The following RTF2 variants were observed in gnomAD, a reference collection of about 807,000 sequenced individuals.
The protein encoded by RTF2 is replication termination factor 2.
Under a neutral mutation model 38.0 loss-of-function variants are expected in RTF2, and 18 were observed. That is an observed-to-expected ratio of 0.47 (90% CI 0.33 to 0.70). The LOEUF (loss-of-function observed/expected upper bound fraction) is 0.70. Among genes scored for constraint, RTF2 ranks in the 30% least tolerant of loss-of-function variants. The pLI is 0.02. For missense variants in RTF2, 311 were observed against 379.6 expected (o/e 0.82, Z 1.50); for synonymous variants, 126 against 137.1 (o/e 0.92, Z 0.57).
chr20:56,474,658 T>G lies in RTF2; in HGVS notation c.165-20T>G, dbSNP rs750596311. 35 of 1,522,738 alleles carry G rather than the reference T, an allele frequency of 2.3e-5. No homozygotes were observed. Among genetic ancestry groups the G allele is most frequent in the Non-Finnish European group, 3.1e-5 (34 of 1,112,580 alleles). 94.3% of individuals were successfully genotyped at this position (1,522,738 alleles called of 1,614,324 possible). On this transcript the variant is annotated intron_variant, in intron 2 of 8. Coordinates refer to ENST00000357348, the MANE Select transcript of RTF2 (RefSeq NM_016407.5). ...TGAAAGTCGCTTGTTGACATAATAT[T>G]CTAATACTTACTATTGCAGACTTTA...
chr20:56,511,240 G>T (rs1200798431), intron 5 of RTF2, among the ~76,000 whole-genome samples: 1 of 152,148 alleles, frequency 6.6e-6, no homozygotes, highest in African/African-American at 2.4e-5. Flanking sequence ...GGGCCACACA[G>T]CAGGAGGTGA....
chr20:56,516,753 C>T, intron 6 of RTF2, 182 bp from the exon 7 acceptor site: 1 of 647,328 alleles, frequency 1.5e-6, no homozygotes, highest in Non-Finnish European at 2.8e-6. Context: ...ACTGGTGTCA[C>T]ATGCAGAGGG....
intron 5 of RTF2, among the ~76,000 whole-genome samples, chr20:56,504,729 C>G (rs1984151838): frequency 6.6e-6 from 1 of 152,234 alleles, no homozygotes; most frequent in African/African-American, 2.4e-5. Flanking sequence ...CTGGTACTCT[C>G]TGCAGGCTTG....
intron 8 of RTF2, 52 bp downstream of exon 8, chr20:56,517,253 G>A (rs1600840613): frequency 1.4e-6 from 2 of 1,468,148 alleles, no homozygotes; most frequent in Non-Finnish European, 1.9e-6. Context: ...TGGAAACCCA[G>A]GTGGCCGAGT....
chr20:56,485,236 C>T (rs547144141), intron 5 of RTF2, among the ~76,000 whole-genome samples: 2 of 152,184 alleles, frequency 1.3e-5, no homozygotes, highest in Admixed American at 6.5e-5. Flanking sequence ...CCGAAGGGCA[C>T]GAGGGAGCCA....
chr20:56,470,578 G>C, intron 1 of RTF2: 1 of 455,960 alleles, frequency 2.2e-6, no homozygotes, highest in South Asian at 1.5e-5. Context: ...TGGGTGACGG[G>C]ATCATCTTTT....
intron 2 of RTF2, 85 bp from the exon 3 acceptor site, chr20:56,474,593 T>G (rs910071494): frequency 5.0e-6 from 4 of 799,456 alleles, no homozygotes; most frequent in Non-Finnish European, 5.8e-6. Context: ...GTAAACGACT[T>G]TTGGATTGTG....
At chr20:56,511,947 C>G (rs960992445) in intron 5 of RTF2, among the ~76,000 whole-genome samples, 2 of 152,154 alleles carry the variant, frequency 1.3e-5, no homozygotes, top group Non-Finnish European at 2.9e-5. Flanking sequence ...ATTCTCTCAC[C>G]TCAGCCTCCC....
At chr20:56,515,613 C>G (rs902803945) in intron 6 of RTF2, 1 of 77,584 alleles carries the variant, frequency 1.3e-5, no homozygotes. Flanking sequence ...CACACACACA[C>G]ACACACACAC....
At chr20:56,508,013 GT>G (rs1386888336) in intron 5 of RTF2, among the ~76,000 whole-genome samples, 1 of 152,148 alleles carries the variant, frequency 6.6e-6, no homozygotes, top group Non-Finnish European at 1.5e-5. Flanking sequence ...TTCTTCAAGG[GT>G]TGTACCAGTT....
At chr20:56,496,936 A>G (rs547134093) in intron 5 of RTF2, 2 of 1,551,394 alleles carry the variant, frequency 1.3e-6, no homozygotes, top group African/African-American at 1.4e-5. Flanking sequence ...TTATCACTCC[A>G]TTTGCTTCTG....
At position 56,516,883 on chromosome 20, in the gene RTF2, T is replaced by G. The variant is rs998972227; in HGVS notation, c.592-52T>G. The G allele has an allele frequency of 5.1e-6, 8 of 1,562,782 alleles. No homozygotes were observed. The Admixed American group carries it at 1.2e-4, about 23-fold the overall frequency. ...GGACAATGGGCAGCCACACTGACGCTGAAGTGGAGTGAATCTGAGCACAGC... is the reference window on the plus strand; with the variant it reads ...GGACAATGGGCAGCCACACTGACGCGGAAGTGGAGTGAATCTGAGCACAGC... On this transcript the variant is annotated intron_variant, in intron 6 of 8. Transcript: ENST00000357348.
At chr20:56,513,100 G>A (rs924953968) in intron 5 of RTF2, among the ~76,000 whole-genome samples, 4 of 152,202 alleles carry the variant, frequency 2.6e-5, no homozygotes, top group African/African-American at 9.7e-5. Flanking sequence ...CACCATCCAG[G>A]CACCAGCCTT....
At chr20:56,505,547 G>A (rs139285618) in intron 5 of RTF2, among the ~76,000 whole-genome samples, 381 of 151,144 alleles carry the variant, frequency 2.5e-3, no homozygotes, top group African/African-American at 5.7e-3. Context: ...TGGACTAGAC[G>A]GCAGATCTGC....
In RTF2 at chr20:56,468,674, G is replaced by A; in HGVS notation, c.-24G>A. ...GAAGTGACAGCTTTGGGGGTTTGCT[G>A]CTGGCTCTGACTCCCGTCCTGCGAT... On this transcript the variant is annotated 5_prime_UTR_variant, in exon 1 of 9. Coordinates refer to ENST00000357348, the MANE Select transcript of RTF2 (RefSeq NM_016407.5). 1 of 1,560,242 alleles carries A rather than the reference G, an allele frequency of 6.4e-7. No individual in the cohort carries two copies. The highest frequency in any genetic ancestry group is 8.7e-7 in the Non-Finnish European group (1 of 1,151,802).
Position 56,516,977 on chromosome 20 carries a change from G to C in RTF2, c.634G>C (p.Asp212His). The C allele has an allele frequency of 6.2e-7, 1 of 1,614,062 alleles. No homozygotes were observed. Among genetic ancestry groups the C allele is most frequent in the Non-Finnish European group, 8.5e-7 (1 of 1,179,910 alleles). ...GGCAGCAGAGTCTGTTTCAAAACCA[G>C]ATGTCAGTGAAGGTAAGATCCTTCA... ...PKAAESVSKP[D>H]VSEEAPGPSK... Residue 212 changes from aspartate (D) to histidine (H), a missense_variant, in exon 7 of 9, where the codon GAT (aspartate) becomes CAT (histidine). Transcript: ENST00000357348.
At chr20:56,469,122 A>G (rs1981831229) in intron 1 of RTF2, among the ~76,000 whole-genome samples, 1 of 152,244 alleles carries the variant, frequency 6.6e-6, no homozygotes, top group Non-Finnish European at 1.5e-5. Context: ...ACCTGCGACT[A>G]GTAGCAATAA....
At position 56,518,271 on chromosome 20, in the gene RTF2, G is replaced by A. The variant is rs369697377; in HGVS notation, c.*6G>A. 1.0e-4 allele frequency: 165 copies of A among 1,607,538 alleles called. No individual in the cohort carries two copies. Among genetic ancestry groups the A allele is most frequent in the South Asian group, 6.2e-4 (56 of 90,100 alleles). On this transcript the variant is annotated 3_prime_UTR_variant, in exon 9 of 9. Transcript: ENST00000357348. ...ACACGTCCTACTGCTTCTGAAGCCC[G>A]CACTGCCACCGCTCCTGCCCCAGAA...
At chr20:56,487,423 G>A (rs1263845373) in intron 5 of RTF2, among the ~76,000 whole-genome samples, 2 of 152,184 alleles carry the variant, frequency 1.3e-5, no homozygotes. Context: ...TAGAGACCAG[G>A]TGACGAACAG....
Sources: allele counts gnomAD v4.1 joint callset (sites outside exome capture counted in the v4.1 genomes callset), GRCh38; gene constraint gnomAD v4.1.1; transcripts MANE v1.5; gene names NCBI Gene and HGNC (gene_info 2026-07-23, HGNC 2026-07-21).